Variants in PALM2AKAP2 observed in about 807,000 individuals in gnomAD.
PALM2AKAP2 encodes PALM2-AKAP2 fusion protein.
A neutral mutation model predicts 71.5 loss-of-function variants in PALM2AKAP2; 37 were observed. That is an observed-to-expected ratio of 0.52 (90% CI 0.40 to 0.68). The LOEUF (loss-of-function observed/expected upper bound fraction) is 0.68. Ranked by LOEUF, PALM2AKAP2 falls within the 30% of genes least tolerant of loss-of-function variation. PALM2AKAP2 has a pLI of 0.00. For synonymous variants in PALM2AKAP2, 468 were observed against 478.8 expected (o/e 0.98, Z 0.29); for missense variants, 1,224 against 1,191.8 (o/e 1.03, Z -0.40).
chr9:109,651,921 C>T (rs1827230400), intron 1 of PALM2AKAP2, among the ~76,000 whole-genome samples: 1 of 151,992 alleles, frequency 6.6e-6, no homozygotes, highest in Admixed American at 6.6e-5. Flanking sequence ...AGGAACATTC[C>T]TGGTCGAAAT....
intron 6 of PALM2AKAP2, among the ~76,000 whole-genome samples, chr9:109,979,366 T>G (rs2132186829): frequency 6.6e-6 from 1 of 152,316 alleles, no homozygotes; most frequent in Non-Finnish European, 1.5e-5. Flanking sequence ...AAGCCCCGCC[T>G]GTCTTAAGAG....
chr9:110,050,677 G>C (rs1310441936), intron 1 of PALM2AKAP2, among the ~76,000 whole-genome samples: 2 of 151,880 alleles, frequency 1.3e-5, no homozygotes, highest in Non-Finnish European at 2.9e-5. Context: ...GCCCAGGCTG[G>C]AGTGCAATGG....
chr9:109,708,329 G>C (rs1201407935), intron 1 of PALM2AKAP2, among the ~76,000 whole-genome samples: 2 of 152,078 alleles, frequency 1.3e-5, no homozygotes, highest in Non-Finnish European at 2.9e-5. Flanking sequence ...TAGACAGCAG[G>C]ACCTCAATCA....
chr9:110,171,148 T>C (rs891634994), exon 4 of PALM2AKAP2: 3 of 152,190 alleles, frequency 2.0e-5, no homozygotes, highest in Non-Finnish European at 4.4e-5. Context: ...AAACCTACAG[T>C]TGACAAGAGA....
intron 3 of PALM2AKAP2, among the ~76,000 whole-genome samples, chr9:109,903,631 C>T (rs1265478202): frequency 1.3e-5 from 2 of 152,138 alleles, no homozygotes; most frequent in Non-Finnish European, 2.9e-5. Context: ...CCTAAGTACA[C>T]AATACCAAAT....
At chr9:109,999,151 C>G (rs2132268269) in intron 6 of PALM2AKAP2, among the ~76,000 whole-genome samples, 1 of 152,038 alleles carries the variant, frequency 6.6e-6, no homozygotes, top group Admixed American at 6.6e-5. Flanking sequence ...CCAGCCTGGC[C>G]AACAAGGCGA....
intron 1 of PALM2AKAP2, among the ~76,000 whole-genome samples, chr9:110,103,745 A>C (rs1207351158): frequency 6.6e-6 from 1 of 152,188 alleles, no homozygotes; most frequent in African/African-American, 2.4e-5. Context: ...GCACACATAC[A>C]TTGCCCTACC....
intron 1 of PALM2AKAP2, among the ~76,000 whole-genome samples, chr9:109,706,163 T>C (rs1342925664): frequency 6.6e-6 from 1 of 152,222 alleles, no homozygotes; most frequent in Admixed American, 6.5e-5. Context: ...CTATGAGATA[T>C]GTTCAAGATG....
intron 7 of PALM2AKAP2, among the ~76,000 whole-genome samples, chr9:110,038,221 A>T (rs1237721242): frequency 2.6e-5 from 4 of 152,032 alleles, no homozygotes; most frequent in Non-Finnish European, 5.9e-5. Flanking sequence ...CACACCTGTC[A>T]TCCAAGGCTG....
chr9:110,156,326 A>G, exon 3 of PALM2AKAP2: 1 of 1,574,586 alleles, frequency 6.4e-7, no homozygotes, highest in Non-Finnish European at 8.6e-7. Context: ...CAGGGAAAAT[A>G]GAGAAAGTCA....
chr9:109,840,690 A>G (rs796777149), intron 1 of PALM2AKAP2, among the ~76,000 whole-genome samples: 7 of 152,340 alleles, frequency 4.6e-5, no homozygotes, highest in African/African-American at 1.7e-4. Flanking sequence ...AAACAACCCA[A>G]TCAACACGTG....
chr9:110,011,008 AAAAAAAATATATAT>A (rs1365609204), intron 6 of PALM2AKAP2, among the ~76,000 whole-genome samples: 3 of 91,758 alleles, frequency 3.3e-5, no homozygotes, highest in African/African-American at 1.3e-4. Flanking sequence ...AAAAAAAAAA[AAAAAAAATATATAT>A]ATATATATAT....
chr9:110,114,232 G>C (rs1365985092), intron 1 of PALM2AKAP2, among the ~76,000 whole-genome samples: 1 of 152,176 alleles, frequency 6.6e-6, no homozygotes, highest in Non-Finnish European at 1.5e-5. Context: ...CTAGCAATGT[G>C]TAACATTTCT....
chr9:109,848,865 G>C (rs1828934203), intron 1 of PALM2AKAP2, among the ~76,000 whole-genome samples: 1 of 150,654 alleles, frequency 6.6e-6, no homozygotes, highest in South Asian at 2.1e-4. Flanking sequence ...GCTGCAATGA[G>C]CTATGATTGT....
upstream of PALM2AKAP2, chr9:109,780,271 CA>C: frequency 8.4e-7 from 1 of 1,193,964 alleles, no homozygotes; most frequent in Non-Finnish European, 1.0e-6. Context: ...CGCTGGGGCG[CA>C]GCCAGGCGGC....
intron 1 of PALM2AKAP2, among the ~76,000 whole-genome samples, chr9:109,852,018 C>T (rs1016536352): frequency 6.6e-6 from 1 of 152,140 alleles, no homozygotes; most frequent in Middle Eastern, 3.4e-3. Context: ...GGTTCCCCAT[C>T]AATAGGTAAA....
intron 1 of PALM2AKAP2, among the ~76,000 whole-genome samples, chr9:109,705,874 C>T (rs906916978): frequency 6.6e-6 from 1 of 152,154 alleles, no homozygotes; most frequent in African/African-American, 2.4e-5. Context: ...TTTCTTACTC[C>T]ATAGGTCAAT....
chr9:110,164,913 TC>T (rs1174994822), intron 3 of PALM2AKAP2, among the ~76,000 whole-genome samples: 2 of 152,136 alleles, frequency 1.3e-5, no homozygotes, highest in Admixed American at 1.3e-4. Flanking sequence ...CTCTGGTGTG[TC>T]TCCTTCTGGA....
intron 1 of PALM2AKAP2, among the ~76,000 whole-genome samples, chr9:110,069,372 A>G (rs78446081): frequency 0.013 from 2,032 of 152,330 alleles, 38 homozygotes; most frequent in African/African-American, 0.047. Flanking sequence ...TCATTTGTGT[A>G]TGCCTGTTAG....
Sources: gnomAD v4.1 joint callset for allele counts (sites outside exome capture counted in the v4.1 genomes callset) on GRCh38, gnomAD v4.1.1 for gene constraint, MANE v1.5 for transcripts, NCBI Gene and HGNC (gene_info 2026-07-23, HGNC 2026-07-21) for gene names.